The following PEAK1 variants were observed in gnomAD, a reference collection of about 807,000 sequenced individuals.
PEAK1 encodes the protein inactive tyrosine-protein kinase PEAK1.
A neutral mutation model predicts 124.7 loss-of-function variants in PEAK1; 54 were observed. That is an observed-to-expected ratio of 0.43 (90% CI 0.35 to 0.54). The LOEUF is 0.54. Ranked by LOEUF, PEAK1 falls within the 20% of genes least tolerant of loss-of-function variation. PEAK1 has a pLI of 0.01. For missense variants in PEAK1, 2,046 were observed against 2,134.5 expected (o/e 0.96, Z 0.82); for synonymous variants, 719 against 760.0 (o/e 0.95, Z 0.89).
intron 8 of PEAK1, among the ~76,000 whole-genome samples, chr15:77,142,530 T>C (rs529278926): frequency 6.6e-6 from 1 of 152,354 alleles, no homozygotes; most frequent in South Asian, 2.1e-4. Context: ...CAGCAGCATT[T>C]ATAATAGCCA....
chr15:77,277,669 T>C (rs2062407442), intron 5 of PEAK1, among the ~76,000 whole-genome samples: 1 of 152,156 alleles, frequency 6.6e-6, no homozygotes, highest in Non-Finnish European at 1.5e-5. Context: ...ACCATACCTG[T>C]AAGTAAATAT....
chr15:77,300,587 C>T (rs1379694664), intron 2 of PEAK1, among the ~76,000 whole-genome samples: 1 of 152,090 alleles, frequency 6.6e-6, no homozygotes, highest in Non-Finnish European at 1.5e-5. Context: ...AGTATGATAC[C>T]TTTGTCACGA....
At chr15:77,365,347 G>T in intron 1 of PEAK1, 122 bp from the exon 2 acceptor site, 1 of 204,794 alleles carries the variant, frequency 4.9e-6, no homozygotes, top group Non-Finnish European at 8.6e-6. Flanking sequence ...TTACGTCCAA[G>T]CTGTTCTTTA....
At chr15:77,104,544 G>A (rs2152701658), downstream of PEAK1, 1 of 152,544 alleles carries the variant, frequency 6.6e-6, no homozygotes, top group Non-Finnish European at 1.5e-5. Flanking sequence ...GAATTTCAAT[G>A]CATGTCTCCC....
At chr15:77,297,883 C>A (rs1163788304) in intron 2 of PEAK1, among the ~76,000 whole-genome samples, 2 of 149,988 alleles carry the variant, frequency 1.3e-5, no homozygotes, top group African/African-American at 5.0e-5. Context: ...AAGGTGAAAC[C>A]CCGTCTCTAC....
At chr15:77,167,095 C>T (rs1178397066) in intron 7 of PEAK1, among the ~76,000 whole-genome samples, 1 of 151,996 alleles carries the variant, frequency 6.6e-6, no homozygotes, top group East Asian at 1.9e-4. Flanking sequence ...CCTTCCTCCT[C>T]CAGAAAGAAC....
chr15:77,336,542 A>G (rs2066212957), intron 2 of PEAK1: 1 of 985,358 alleles, frequency 1.0e-6, no homozygotes. Context: ...CATGAAATAT[A>G]GAGTCTGTGA....
At chr15:77,291,799 A>G (rs2063225641) in intron 2 of PEAK1, among the ~76,000 whole-genome samples, 1 of 152,034 alleles carries the variant, frequency 6.6e-6, no homozygotes, top group Non-Finnish European at 1.5e-5. Flanking sequence ...AACACGGTGA[A>G]ACCCCAACTC....
chr15:77,187,694 C>T (rs1358546113), intron 6 of PEAK1, among the ~76,000 whole-genome samples: 2 of 152,214 alleles, frequency 1.3e-5, no homozygotes, highest in Non-Finnish European at 2.9e-5. Flanking sequence ...CACCATCTCT[C>T]TCCATAAAAT....
chr15:77,313,415 G>A (rs916986371), intron 2 of PEAK1, among the ~76,000 whole-genome samples: 8 of 151,904 alleles, frequency 5.3e-5, no homozygotes, highest in African/African-American at 1.9e-4. Flanking sequence ...ACTTCTTCTA[G>A]GAAGTGCAAC....
At chr15:77,323,933 G>C (rs2065404828) in intron 2 of PEAK1, among the ~76,000 whole-genome samples, 1 of 152,150 alleles carries the variant, frequency 6.6e-6, no homozygotes, top group African/African-American at 2.4e-5. Flanking sequence ...TACCAAAACA[G>C]AGATACAGAC....
chr15:77,245,295 C>T (rs2060529838), intron 6 of PEAK1, among the ~76,000 whole-genome samples: 1 of 151,278 alleles, frequency 6.6e-6, no homozygotes, highest in Non-Finnish European at 1.5e-5. Context: ...GTCAAGGTTG[C>T]AGTGAGCCAT....
chr15:77,370,434 G>A (rs1246761187), intron 1 of PEAK1, among the ~76,000 whole-genome samples: 1 of 152,182 alleles, frequency 6.6e-6, no homozygotes, highest in African/African-American at 2.4e-5. Flanking sequence ...CCTTGGGAAA[G>A]TCTTTGAGTA....
chr15:77,220,823 G>C (rs1316185843), intron 6 of PEAK1, among the ~76,000 whole-genome samples: 1 of 152,010 alleles, frequency 6.6e-6, no homozygotes, highest in Non-Finnish European at 1.5e-5. Flanking sequence ...ATAGCGATAG[G>C]AGAGAATATT....
intron 6 of PEAK1, among the ~76,000 whole-genome samples, chr15:77,230,135 T>C (rs953278232): frequency 2.0e-5 from 3 of 152,062 alleles, no homozygotes; most frequent in Non-Finnish European, 4.4e-5. Context: ...TAAATGCTAT[T>C]ATAAAATACT....
chr15:77,310,934 AG>A (rs1286518486), intron 2 of PEAK1, among the ~76,000 whole-genome samples: 1 of 152,230 alleles, frequency 6.6e-6, no homozygotes, highest in East Asian at 1.9e-4. Context: ...GTAAGTAGAT[AG>A]GAACAAATCT....
chr15:77,199,903 C>T (rs1054020586), intron 6 of PEAK1, among the ~76,000 whole-genome samples: 3 of 152,172 alleles, frequency 2.0e-5, no homozygotes, highest in African/African-American at 7.2e-5. Flanking sequence ...ACTTCTTTTA[C>T]AACATGGACC....
At chr15:77,214,916 A>G (rs1158770733) in intron 6 of PEAK1, among the ~76,000 whole-genome samples, 7 of 152,170 alleles carry the variant, frequency 4.6e-5, no homozygotes, top group Admixed American at 3.3e-4. Flanking sequence ...ACTGGGAATT[A>G]CAATTCGACA....
intron 6 of PEAK1, among the ~76,000 whole-genome samples, chr15:77,200,780 A>T (rs2058324453): frequency 6.6e-6 from 1 of 152,176 alleles, no homozygotes; most frequent in African/African-American, 2.4e-5. Flanking sequence ...TAGAAACTTT[A>T]ATGTTAGCAG....
Sources: allele counts gnomAD v4.1 joint callset (sites outside exome capture counted in the v4.1 genomes callset), GRCh38; gene constraint gnomAD v4.1.1; transcripts MANE v1.5; gene names NCBI Gene and HGNC (gene_info 2026-07-23, HGNC 2026-07-21).